Variants in SH3TC2 observed in about 807,000 individuals in gnomAD.
The protein encoded by SH3TC2 is SH3 domain and tetratricopeptide repeats 2.
Under a neutral mutation model 124.5 loss-of-function variants are expected in SH3TC2, and 87 were observed. The ratio of observed to expected loss-of-function variants is 0.70; its 90% CI spans 0.59 to 0.84. The LOEUF (loss-of-function observed/expected upper bound fraction) is 0.84. Ranked by LOEUF, SH3TC2 falls within the 40% of genes least tolerant of loss-of-function variation. The pLI, the probability that SH3TC2 is intolerant of heterozygous loss-of-function variation, is 0.00. For missense variants in SH3TC2, 1,536 were observed against 1,566.4 expected (o/e 0.98, Z 0.33); for synonymous variants, 634 against 628.5 (o/e 1.01, Z -0.13).
intron 3 of SH3TC2, chr5:149,047,323 C>G (rs1202462311): frequency 6.3e-6 from 1 of 158,606 alleles, no homozygotes; most frequent in Admixed American, 6.0e-5. Flanking sequence ...TAGCGGTTAC[C>G]AGGAGCTGAG....
intron 14 of SH3TC2, 62 bp downstream of exon 14, chr5:149,010,208 G>A: frequency 6.2e-7 from 1 of 1,612,684 alleles, no homozygotes; most frequent in Non-Finnish European, 8.5e-7. Context: ...CCGAAGTCCA[G>A]CCTGACCCTT....
Position 149,044,813 on chromosome 5 carries a change from C to A in SH3TC2, c.280-175G>T, listed in dbSNP as rs114409023. The A allele has an allele frequency of 8.4e-4, 500 of 595,730 alleles. 1 individual carries two copies. The African/African-American group carries it at 8.7e-3, about 10-fold the overall frequency. The allele number at this position is 595,730 out of a possible 1,614,324, so 36.9% of individuals were successfully genotyped here. ...ATAAGAGATTGGTTAAAATGGAGTA[C>A]AATTTATCCATAAAGTGAAATATTG... On this transcript the variant is annotated intron_variant, in intron 3 of 16. Transcript: ENST00000515425.
rs1451977521 is a variant in SH3TC2 at position 149,026,648 on chromosome 5, G to A, written c.2977C>T (p.Gln993Ter). The A allele has an allele frequency of 6.2e-7, 1 of 1,614,078 alleles. No individual in the cohort carries two copies. Among genetic ancestry groups the A allele is most frequent in the Non-Finnish European group, 8.5e-7 (1 of 1,180,044 alleles). ...CCTTCCATCTCCCGGTCCCTGAGTT[G>A]CTGAGCCAGGGCCAGCCAGTGCTCA... is the stretch of plus-strand genomic sequence containing the variant. ...YHEHWLALAQ[Q>*]LRDREMEGRL... The change falls in exon 12 of 17, where the codon CAA becomes TAA. Residue 993 changes from glutamine (Q) to a stop codon, truncating the protein, a stop_gained. Transcript: ENST00000515425. LOFTEE classifies it high-confidence loss of function.
chr5:149,047,214 T>C (rs541137314), intron 3 of SH3TC2: 75 of 153,094 alleles, frequency 4.9e-4, no homozygotes, highest in African/African-American at 1.8e-3. Flanking sequence ...AGATGAGAAA[T>C]TGGTTTATTT....
chr5:149,044,411 A>G, intron 4 of SH3TC2, 122 bp downstream of exon 4: 1 of 738,442 alleles, frequency 1.4e-6, no homozygotes, highest in Non-Finnish European at 2.4e-6. Flanking sequence ...AAAGTTAACC[A>G]TCTTTTTTAA....
In SH3TC2 at chr5:148,997,420, C is replaced by T. The variant is rs748202204; in HGVS notation, c.*7291G>A. 4.5e-4 allele frequency among the ~76,000 whole-genome samples: 68 copies of T among 152,314 alleles called. No individual in the cohort carries two copies. The highest frequency in any genetic ancestry group is 9.4e-4 in the Non-Finnish European group (64 of 68,026). ...CCTTCTATTTTCCATTTGGGAAATG[C>T]AGTCTCTCTTTTTTTCTAGGCTAAG... On this transcript the variant is annotated 3_prime_UTR_variant, in exon 17 of 17. Coordinates refer to ENST00000515425, the MANE Select transcript of SH3TC2 (RefSeq NM_024577.4).
intron 14 of SH3TC2, among the ~76,000 whole-genome samples, chr5:149,009,296 G>T (rs1036787959): frequency 1.3e-5 from 2 of 152,222 alleles, no homozygotes; most frequent in South Asian, 4.1e-4. Context: ...GTGGAAAGTC[G>T]TTCCCTTCTC....
At chr5:149,012,316 A>G (rs962916458) in intron 13 of SH3TC2, among the ~76,000 whole-genome samples, 1 of 152,166 alleles carries the variant, frequency 6.6e-6, no homozygotes, top group Non-Finnish European at 1.5e-5. Context: ...GACGTTACAG[A>G]TGGTATGTGA....
chr5:149,048,060 C>T (rs1408740084), intron 2 of SH3TC2, 71 bp from the exon 3 acceptor site: 3 of 1,598,620 alleles, frequency 1.9e-6, no homozygotes, highest in Admixed American at 1.7e-5. Flanking sequence ...TAGATTAGCC[C>T]ACAGTTTCCC....
chr5:149,050,373 G>T (rs1267225887), intron 2 of SH3TC2, among the ~76,000 whole-genome samples: 1 of 152,170 alleles, frequency 6.6e-6, no homozygotes, highest in Non-Finnish European at 1.5e-5. Context: ...ACTCATTAAG[G>T]AGAGGTTGGC....
intron 16 of SH3TC2, among the ~76,000 whole-genome samples, chr5:149,005,317 A>G (rs1753668587): frequency 6.6e-6 from 1 of 152,188 alleles, no homozygotes; most frequent in Non-Finnish European, 1.5e-5. Context: ...GCCAGTAGCT[A>G]GAAGGGGAAA....
chr5:149,058,427 T>C (rs1754688104), intron 1 of SH3TC2, among the ~76,000 whole-genome samples: 1 of 152,210 alleles, frequency 6.6e-6, no homozygotes, highest in Non-Finnish European at 1.5e-5. Context: ...TCAATGTGCA[T>C]TTCCCTAATG....
intron 1 of SH3TC2, among the ~76,000 whole-genome samples, chr5:149,060,473 G>A (rs1754727657): frequency 6.6e-6 from 1 of 152,196 alleles, no homozygotes; most frequent in African/African-American, 2.4e-5. Context: ...GCCTGGAGTA[G>A]TCAGAGTCAA....
intron 7 of SH3TC2, among the ~76,000 whole-genome samples, chr5:149,039,072 A>G (rs1458893171): frequency 6.6e-6 from 1 of 152,226 alleles, no homozygotes; most frequent in Non-Finnish European, 1.5e-5. Context: ...TCAACCCTCA[A>G]TAAACATTAG....
intron 1 of SH3TC2, among the ~76,000 whole-genome samples, chr5:149,054,129 C>A (rs1385691588): frequency 2.0e-5 from 3 of 152,102 alleles, no homozygotes; most frequent in African/African-American, 7.2e-5. Context: ...ATTGTATACA[C>A]CTATATCAAA....
At chr5:149,010,152 G>A in intron 14 of SH3TC2, 118 bp downstream of exon 14, 1 of 1,431,382 alleles carries the variant, frequency 7.0e-7, no homozygotes, top group Non-Finnish European at 9.8e-7. Flanking sequence ...GGACAAGAAA[G>A]AGAGAAAAAT....
rs538875275 is a variant in SH3TC2, at chr5:148,982,384, T to C, written c.*22327A>G. ...CCCTTAGTATTCTGCTATTTCACTT[T>C]TGTGGAATTTTTCCTACATATATAA... On this transcript the variant is annotated 3_prime_UTR_variant, in exon 17 of 17. Transcript: ENST00000515425. Among the ~76,000 whole-genome samples the C allele has an allele frequency of 2.6e-4, 40 of 152,356 alleles. No homozygotes were observed. Among genetic ancestry groups the C allele is most frequent in the African/African-American group, 9.1e-4 (38 of 41,572 alleles).
intron 3 of SH3TC2, 62 bp from the exon 4 acceptor site, chr5:149,044,700 A>T (rs1754428773): frequency 8.1e-7 from 1 of 1,236,542 alleles, no homozygotes. Context: ...GCAAGCTCTT[A>T]TATAGACCAA....
In SH3TC2 at chr5:149,038,492, T is replaced by C. The variant is rs1041389207; in HGVS notation, c.806-2A>G. The C allele has an allele frequency of 1.9e-6, 3 of 1,613,876 alleles. No homozygotes were observed. The highest frequency in any genetic ancestry group is 2.5e-6 in the Non-Finnish European group (3 of 1,179,808). On this transcript the variant is annotated splice_acceptor_variant, in intron 7 of 16. Coordinates refer to ENST00000515425, the MANE Select transcript of SH3TC2 (RefSeq NM_024577.4). LOFTEE classifies it high-confidence loss of function. The stretch of plus-strand genomic sequence containing the variant: ...TCAAGGCCTTACAGCGTCCTCTGCC[T>C]GTGGAAAATAGCACACAGATCAGCT...
Sources: allele counts gnomAD v4.1 joint callset (sites outside exome capture counted in the v4.1 genomes callset), GRCh38; gene constraint gnomAD v4.1.1; transcripts MANE v1.5; gene names NCBI Gene and HGNC (gene_info 2026-07-23, HGNC 2026-07-21).